Variants in PSD3 observed in about 807,000 individuals in gnomAD.
The protein encoded by PSD3 is PH and SEC7 domain-containing protein 3.
In PSD3, 49 loss-of-function variants were observed where a neutral mutation model predicts 105.5. The ratio of observed to expected loss-of-function variants is 0.46; its 90% CI spans 0.37 to 0.59. PSD3 has a LOEUF of 0.59. Among genes scored for constraint, PSD3 ranks in the 20% least tolerant of loss-of-function variants. The pLI, the probability that PSD3 is intolerant of heterozygous loss-of-function variation, is 0.00. For synonymous variants in PSD3, 557 were observed against 457.8 expected (o/e 1.22, Z -2.77); for missense variants, 1,561 against 1,263.8 (o/e 1.24, Z -3.57).
intron 15 of PSD3, among the ~76,000 whole-genome samples, chr8:18,547,124 C>T (rs1323537293): frequency 6.6e-6 from 1 of 152,166 alleles, no homozygotes; most frequent in African/African-American, 2.4e-5. Context: ...TAGCACTGGG[C>T]ACCCACCCAT....
intron 2 of PSD3, among the ~76,000 whole-genome samples, chr8:18,880,639 C>T (rs931825603): frequency 6.6e-6 from 1 of 152,168 alleles, no homozygotes; most frequent in East Asian, 1.9e-4. Flanking sequence ...GCCCCAGGCC[C>T]CTCTAGTTTC....
chr8:18,571,345 C>G (rs1261773100), intron 14 of PSD3, among the ~76,000 whole-genome samples: 1 of 144,476 alleles, frequency 6.9e-6, no homozygotes, highest in Non-Finnish European at 1.5e-5. Context: ...CCAGCGCTCT[C>G]TTCTCTAGGC....
intron 1 of PSD3, among the ~76,000 whole-genome samples, chr8:19,075,288 GA>G (rs1829429458): frequency 6.6e-6 from 1 of 152,138 alleles, no homozygotes; most frequent in Non-Finnish European, 1.5e-5. Flanking sequence ...TTTCCTTGTA[GA>G]GATAGTCTCT....
In PSD3 at chr8:18,613,576, T is replaced by G. The variant is rs1006686000; in HGVS notation, c.2411-13142A>C. Among the ~76,000 whole-genome samples the G allele has an allele frequency of 6.6e-5, 10 of 152,210 alleles. No individual in the cohort carries two copies. In the East Asian group the frequency reaches 1.9e-3, roughly 29 times the overall value. On this transcript the variant is annotated intron_variant, in intron 11 of 15. Coordinates refer to ENST00000327040, the MANE Select transcript of PSD3 (RefSeq NM_015310.4). ...CTGCAACGCTAGAGTCACAGAATTA[T>G]TTTTTGAATCTTAATGAATGATACC... is the stretch of plus-strand genomic sequence containing the variant.
intron 12 of PSD3, among the ~76,000 whole-genome samples, chr8:18,578,357 C>G (rs550236385): frequency 1.3e-5 from 2 of 152,192 alleles, no homozygotes; most frequent in Middle Eastern, 3.4e-3. Flanking sequence ...TTTAAGGTCT[C>G]CAGCTACGGC....
At chr8:18,944,501 G>A (rs1490143891) in intron 1 of PSD3, among the ~76,000 whole-genome samples, 3 of 152,050 alleles carry the variant, frequency 2.0e-5, no homozygotes, top group African/African-American at 2.4e-5. Context: ...AACCCAGGAG[G>A]TGGAGGCTGC....
At chr8:18,879,591 C>CT (rs879916390) in intron 2 of PSD3, among the ~76,000 whole-genome samples, 12 of 146,096 alleles carry the variant, frequency 8.2e-5, no homozygotes, top group African/African-American at 2.8e-4. Flanking sequence ...TTCATCATTG[C>CT]TTTTTTTTTC....
intron 8 of PSD3, among the ~76,000 whole-genome samples, chr8:18,790,326 C>T (rs1359440537): frequency 7.4e-6 from 1 of 135,850 alleles, no homozygotes; most frequent in Admixed American, 7.8e-5. Context: ...TTTTTTGAGA[C>T]GGAGTCTTGC....
At chr8:18,888,507 A>T (rs1283988665) in intron 2 of PSD3, among the ~76,000 whole-genome samples, 1 of 152,126 alleles carries the variant, frequency 6.6e-6, no homozygotes, top group African/African-American at 2.4e-5. Flanking sequence ...GGGAATAATA[A>T]TGGGGTTTTC....
intron 1 of PSD3, among the ~76,000 whole-genome samples, chr8:19,030,801 G>T (rs1289628230): frequency 1.3e-5 from 2 of 152,002 alleles, no homozygotes; most frequent in African/African-American, 4.8e-5. Flanking sequence ...ATCATCCAAG[G>T]AATTCAATAT....
intron 6 of PSD3, among the ~76,000 whole-genome samples, chr8:18,803,543 C>A (rs1351295823): frequency 6.6e-6 from 1 of 151,958 alleles, no homozygotes; most frequent in Non-Finnish European, 1.5e-5. Flanking sequence ...ATGGAAGCAA[C>A]CCAAGCGTGT....
chr8:18,580,696 G>A (rs1017664753), intron 12 of PSD3, among the ~76,000 whole-genome samples: 15 of 152,148 alleles, frequency 9.9e-5, no homozygotes, highest in African/African-American at 3.4e-4. Flanking sequence ...ATCTGTGATA[G>A]TAAATGTACG....
At chr8:18,559,058 T>A (rs1018738494) in intron 14 of PSD3, among the ~76,000 whole-genome samples, 2 of 152,178 alleles carry the variant, frequency 1.3e-5, no homozygotes, top group Admixed American at 1.3e-4. Flanking sequence ...TGTGGGATTT[T>A]TTTTCCCTGT....
chr8:18,978,463 T>C (rs540757365), intron 1 of PSD3, among the ~76,000 whole-genome samples: 111 of 152,318 alleles, frequency 7.3e-4, no homozygotes, highest in African/African-American at 2.5e-3. Context: ...TTTGCTAAGA[T>C]TCAAAAAATC....
At chr8:18,968,259 G>C (rs370875378) in intron 1 of PSD3, among the ~76,000 whole-genome samples, 1 of 152,282 alleles carries the variant, frequency 6.6e-6, no homozygotes, top group African/African-American at 2.4e-5. Context: ...CTCCCTGCAA[G>C]TCCAATTCTG....
rs200668383 is a variant in PSD3, at chr8:19,027,248, ACT to A, written c.324+56956_324+56957del. 9.9e-3 allele frequency among the ~76,000 whole-genome samples: 1,511 copies of A among 152,092 alleles called. 17 individuals carry two copies. The highest frequency in any genetic ancestry group is 0.014 in the Non-Finnish European group (955 of 67,988). On this transcript the variant is annotated intron_variant, in intron 1 of 1. Coordinates refer to the PSD3 transcript ENST00000521475. ...AAAAAAGAAAAAGAAAAAGAAAAAG[ACT>A]CTCATTCTGGACATAACTGCTGAGT...
rs1025412504 is a variant in PSD3 at position 18,609,698 on chromosome 8, G to A, written c.2411-9264C>T. ...ATACAACTCACGCAGGGAGGAGTCT[G>A]CTTTCTGCAATTGATGTGCAAAGAA... On this transcript the variant is annotated intron_variant, in intron 11 of 15. Coordinates refer to ENST00000327040, the MANE Select transcript of PSD3 (RefSeq NM_015310.4). Among the ~76,000 whole-genome samples, 110 of 152,368 alleles carry A rather than the reference G, an allele frequency of 7.2e-4. 1 individual carries two copies. Among genetic ancestry groups the A allele is most frequent in the Non-Finnish European group, 1.3e-4 (9 of 68,042 alleles).
intron 9 of PSD3, among the ~76,000 whole-genome samples, chr8:18,690,164 G>A (rs949428987): frequency 6.6e-6 from 1 of 152,136 alleles, no homozygotes; most frequent in African/African-American, 2.4e-5. Flanking sequence ...TAAGAACTAC[G>A]AAAAGGAGAC....
intron 11 of PSD3, among the ~76,000 whole-genome samples, chr8:18,627,588 A>C (rs1322466780): frequency 2.0e-5 from 3 of 152,070 alleles, no homozygotes; most frequent in African/African-American, 7.2e-5. Flanking sequence ...TATTAATGGA[A>C]ATATTTAAAT....
Sources: gnomAD v4.1 joint callset for allele counts (sites outside exome capture counted in the v4.1 genomes callset) on GRCh38, gnomAD v4.1.1 for gene constraint, MANE v1.5 for transcripts, NCBI Gene and HGNC (gene_info 2026-07-23, HGNC 2026-07-21) for gene names.